The following CYP4F2 variants were observed in gnomAD, a reference collection of about 807,000 sequenced individuals.
CYP4F2 encodes cytochrome P450 4F2.
A neutral mutation model predicts 58.9 loss-of-function variants in CYP4F2; 58 were observed. The ratio of observed to expected loss-of-function variants is 0.98; its 90% CI spans 0.80 to 1.23. CYP4F2 has a LOEUF of 1.23. CYP4F2 is among the 50% of genes most tolerant of loss of function. The pLI, the probability that CYP4F2 is intolerant of heterozygous loss-of-function variation, is 0.00. For synonymous variants in CYP4F2, 287 were observed against 261.1 expected (o/e 1.10, Z -0.95); for missense variants, 616 against 685.6 (o/e 0.90, Z 1.13).
Position 15,890,403 on chromosome 19 carries a change from T to A in CYP4F2, c.556A>T (p.Ser186Cys), listed in dbSNP as rs752997881. The A allele has an allele frequency of 6.2e-7, 1 of 1,613,944 alleles. No homozygotes were observed. Among genetic ancestry groups the A allele is most frequent in the Non-Finnish European group, 8.5e-7 (1 of 1,179,982 alleles). Reference sequence around the variant, plus strand: ...TGCTCAAACATATCCAAACAGGCACTACCCTCTGAGGCCAGGAGCTGCCAC... The same window carrying A: ...TGCTCAAACATATCCAAACAGGCACAACCCTCTGAGGCCAGGAGCTGCCAC... The part of the protein sequence containing the change: ...AKWQLLASEG[S>C]ACLDMFEHIS... The change falls in exon 6 of 13, where the codon AGT becomes TGT. Residue 186 changes from serine (S) to cysteine (C), a missense_variant. By Grantham distance (112) the Ser-to-Cys change is moderately radical (BLOSUM62 -1). Transcript: ENST00000221700.
Position 15,888,188 on chromosome 19 carries a change from A to T in CYP4F2, c.918+1235T>A, listed in dbSNP as rs370297144. ...CACAAATACACATAAACAAACATAG[A>T]CATAGACACACACACATAGACAAAG... is the stretch of plus-strand genomic sequence containing the variant. On this transcript the variant is annotated intron_variant, in intron 7 of 12. Coordinates refer to ENST00000221700, the MANE Select transcript of CYP4F2 (RefSeq NM_001082.5). 2.6e-5 allele frequency among the ~76,000 whole-genome samples: 4 copies of T among 152,314 alleles called. No individual in the cohort carries two copies. In the East Asian group the frequency reaches 7.7e-4, roughly 29 times the overall value.
chr19:15,892,204 GCAATGGCC>G (rs1568473151), intron 5 of CYP4F2, 97 bp downstream of exon 5: 1 of 1,541,430 alleles, frequency 6.5e-7, no homozygotes, highest in Non-Finnish European at 8.8e-7. Context: ...GTGAGAAAGA[GCAATGGCC>G]CAATGGCACC....
chr19:15,880,327 G>GAA (rs199720504), intron 9 of CYP4F2, among the ~76,000 whole-genome samples: 4 of 147,462 alleles, frequency 2.7e-5, no homozygotes, highest in Non-Finnish European at 6.0e-5. Context: ...ACCCAAGACA[G>GAA]AAAAAAAAAA....
intron 2 of CYP4F2, among the ~76,000 whole-genome samples, chr19:15,895,917 A>C (rs1273528621): frequency 6.6e-6 from 1 of 152,038 alleles, no homozygotes; most frequent in Non-Finnish European, 1.5e-5. Context: ...CGTCTAATCT[A>C]TCCATCATAT....
chr19:15,894,805 A>T (rs3093115), intron 3 of CYP4F2, among the ~76,000 whole-genome samples: 22,942 of 152,126 alleles, frequency 0.15, 1,836 homozygotes, highest in Non-Finnish European at 0.17. Flanking sequence ...AAGGAAAGGG[A>T]CCCAAGCTGG....
chr19:15,890,854 A>C (rs1431801714), intron 5 of CYP4F2, among the ~76,000 whole-genome samples: 1 of 152,228 alleles, frequency 6.6e-6, no homozygotes, highest in Non-Finnish European at 1.5e-5. Flanking sequence ...CTGCAGTTTC[A>C]TCATCTACCA....
chr19:15,891,412 C>T (rs1373959529), intron 5 of CYP4F2, among the ~76,000 whole-genome samples: 1 of 152,080 alleles, frequency 6.6e-6, no homozygotes, highest in East Asian at 1.9e-4. Flanking sequence ...GTCTCTCGTC[C>T]TTCTGGAAGA....
chr19:15,889,462 G>T lies in CYP4F2; in HGVS notation c.879C>A (p.Ser293=). 2 of 1,614,146 alleles carry T rather than the reference G, an allele frequency of 1.2e-6. No individual in the cohort carries two copies. The highest frequency in any genetic ancestry group is 1.7e-6 in the Non-Finnish European group (2 of 1,180,026). The part of the protein sequence containing the change: ...VDDFLQAKAK[S]KTLDFIDVLL... ...GTACATCAATGAAGTCCAAAGTCTT[G>T]GATTTGGCCTTGGCTTGGAGGAAGT... Residue 293 remains serine (S), a synonymous_variant, in exon 7 of 13, where the codon TCC becomes TCA. Transcript: ENST00000221700.
At chr19:15,886,154 G>A in intron 8 of CYP4F2, 88 bp downstream of exon 8, 3 of 1,607,630 alleles carry the variant, frequency 1.9e-6, no homozygotes, top group Non-Finnish European at 2.5e-6. Context: ...GGGGGAAGGG[G>A]GATGGGAAGG....
intron 3 of CYP4F2, among the ~76,000 whole-genome samples, chr19:15,893,151 C>T (rs1006039713): frequency 7.2e-5 from 11 of 152,156 alleles, no homozygotes; most frequent in African/African-American, 2.7e-4. Context: ...AAATATGGTA[C>T]CTTTAATGTC....
intron 9 of CYP4F2, among the ~76,000 whole-genome samples, chr19:15,882,799 C>T (rs886980922): frequency 6.6e-6 from 1 of 152,112 alleles, no homozygotes; most frequent in Admixed American, 6.6e-5. Context: ...TCCAGAACTG[C>T]GTCTATTTTG....
intron 9 of CYP4F2, among the ~76,000 whole-genome samples, chr19:15,884,200 GT>G (rs774682278): frequency 6.6e-6 from 1 of 152,182 alleles, no homozygotes; most frequent in Non-Finnish European, 1.5e-5. Flanking sequence ...TTTGTCATTT[GT>G]GGCAACATGG....
intron 2 of CYP4F2, among the ~76,000 whole-genome samples, chr19:15,896,025 CGT>C (rs1281840088): frequency 6.6e-6 from 1 of 151,306 alleles, no homozygotes; most frequent in Non-Finnish European, 1.5e-5. Flanking sequence ...TCTGTGCATC[CGT>C]GTGTCCATGC....
intron 5 of CYP4F2, among the ~76,000 whole-genome samples, chr19:15,890,726 G>A (rs892719110): frequency 7.9e-5 from 12 of 152,160 alleles, no homozygotes; most frequent in African/African-American, 2.9e-4. Context: ...CAAATCTTCA[G>A]AAACAGTTAA....
chr19:15,886,867 T>C (rs775828657), intron 7 of CYP4F2, among the ~76,000 whole-genome samples: 13 of 152,074 alleles, frequency 8.5e-5, no homozygotes, highest in Non-Finnish European at 1.8e-4. Flanking sequence ...TGGGAAGAAA[T>C]AGAAAATGTG....
intron 3 of CYP4F2, among the ~76,000 whole-genome samples, chr19:15,893,191 G>T (rs1167234737): frequency 6.6e-6 from 1 of 152,248 alleles, no homozygotes; most frequent in Non-Finnish European, 1.5e-5. Context: ...GAACCAGACT[G>T]TTCCTCAGGC....
chr19:15,879,247 G>T, intron 12 of CYP4F2, 99 bp downstream of exon 12: 1 of 1,473,204 alleles, frequency 6.8e-7, no homozygotes, highest in Non-Finnish European at 9.3e-7. Context: ...AAGAGAGCTG[G>T]AACTTGGACC....
intron 7 of CYP4F2, among the ~76,000 whole-genome samples, chr19:15,888,347 T>C (rs1233810442): frequency 6.7e-6 from 1 of 149,482 alleles, no homozygotes; most frequent in Admixed American, 6.6e-5. Flanking sequence ...AACATAGACA[T>C]AGACACAGAC....
chr19:15,896,069 T>TATCCATCCATCCATCC (rs746020026), intron 2 of CYP4F2, among the ~76,000 whole-genome samples: 1 of 142,306 alleles, frequency 7.0e-6, no homozygotes, highest in African/African-American at 2.8e-5. Context: ...TCTATCTATC[T>TATCCATCCATCCATCC]ATCCATCCAT....
Sources: gnomAD v4.1 joint callset for allele counts (sites outside exome capture counted in the v4.1 genomes callset) on GRCh38, gnomAD v4.1.1 for gene constraint, MANE v1.5 for transcripts, NCBI Gene and HGNC (gene_info 2026-07-23, HGNC 2026-07-21) for gene names.